CALML6: variants seen among roughly 807,000 people sequenced by gnomAD.
The protein encoded by CALML6 is calmodulin like 6, also known as calmodulin-like protein 6.
A neutral mutation model predicts 25.0 loss-of-function variants in CALML6; 27 were observed. The ratio of observed to expected loss-of-function variants is 1.08; its 90% confidence interval spans 0.80 to 1.49. The LOEUF (loss-of-function observed/expected upper bound fraction) is 1.49, where lower values mean the gene tolerates loss of function less well. CALML6 is among the 40% of genes most tolerant of loss of function. The probability of loss-of-function intolerance (pLI) is 0.00; values close to 1 mark genes in which losing one functional copy is unlikely to be tolerated. For synonymous variants in CALML6, 97 were observed against 87.2 expected (o/e 1.11, Z -0.63); for missense variants, 239 against 232.7 (o/e 1.03, Z -0.18).
In CALML6 at chr1:1,916,356, T is replaced by C. The variant is rs1276515910; in HGVS notation, c.79-85T>C. 4.0e-6 allele frequency: 5 copies of C among 1,243,656 alleles called. No individual in the cohort carries two copies. The East Asian group carries it at 1.3e-4, about 32-fold the overall frequency. 77.0% of individuals were successfully genotyped at this position (1,243,656 alleles called of 1,614,324 possible). A position where few individuals can be genotyped will look rare whatever the true frequency, so the allele number is the denominator to read the frequency against. ...CCTTGAAAGGCTGCCAATGGAGGAA[T>C]GGGTGCAGGGGGTACCTCTGACCCT... On this transcript the variant is annotated intron_variant, in intron 2 of 5. Transcript: ENST00000307786.
chr1:1,916,447 C>G lies in CALML6; in HGVS notation c.85C>G (p.Arg29Gly). The change falls in exon 3 of 6, where the codon CGC becomes GGC. Residue 29 changes from arginine to glycine, a missense_variant. This residue lies in a region of CALML6 where 231 missense variants were observed against 210.9 expected (regional missense o/e 1.10). Transcript: ENST00000307786. ...GTGCGGGTGTCCCCTGCAGACAGAG[C>G]GCCTGTCGGCTGAGCAGATCAAGGA... is the stretch of plus-strand genomic sequence containing the variant. ...SCQTTTDMTE[R>G]LSAEQIKEYK... 6.5e-7 allele frequency: 1 copy of G among 1,526,880 alleles called. No homozygotes were observed. The highest frequency in any genetic ancestry group is 8.8e-7 in the Non-Finnish European group (1 of 1,133,670). The allele number at this position is 1,526,880 out of a possible 1,614,324, so 94.6% of individuals were successfully genotyped here.
In CALML6 at chr1:1,917,256, C is replaced by T. The variant is rs1651167053; in HGVS notation, c.*63C>T. ...GGCTGCTGCCCCTGCCCCCTGGCCC[C>T]CACTCCCCCGGCTCCGTGTAAAATA... On this transcript the variant is annotated 3_prime_UTR_variant, in exon 6 of 6. Transcript: ENST00000307786. 6.7e-7 allele frequency: 1 copy of T among 1,487,008 alleles called. No homozygotes were observed. Among genetic ancestry groups the T allele is most frequent in the Non-Finnish European group, 9.1e-7 (1 of 1,099,370 alleles). The allele number at this position is 1,487,008 out of a possible 1,614,324, so 92.1% of individuals were successfully genotyped here.
intron 5 of CALML6, 35 bp from the exon 6 acceptor site, chr1:1,917,112 C>T (rs774030209): frequency 3.7e-5 from 59 of 1,608,552 alleles, no homozygotes; most frequent in Middle Eastern, 3.3e-4. Flanking sequence ...TTGGCTGGGC[C>T]GGGGCAAGCT....
In CALML6 at chr1:1,916,464, GA is replaced by G. The variant is rs749920795; in HGVS notation, c.103del (p.Ile35SerfsTer19). 30 of 1,552,120 alleles carry G rather than the reference GA, an allele frequency of 1.9e-5. No individual in the cohort carries two copies. The East Asian group carries it at 6.5e-4, about 34-fold the overall frequency. On this transcript the variant is annotated frameshift_variant, in exon 3 of 6. Transcript: ENST00000307786. LOFTEE classifies it high-confidence loss of function. ...DMTERLSAEQ[I>X]KEYKGVFEMF... ...AGACAGAGCGCCTGTCGGCTGAGCA[GA>G]TCAAGGAGTACAAGGGAGTCTTTGA...
chr1:1,915,487 T>C, intron 1 of CALML6, 180 bp downstream of exon 1: 1 of 1,339,164 alleles, frequency 7.5e-7, no homozygotes, highest in Non-Finnish European at 1.0e-6. Context: ...TCGGTGCCCA[T>C]CTTCAGGGTC....
intron 2 of CALML6, chr1:1,916,104 C>G (rs1337423332): frequency 2.4e-5 from 10 of 421,124 alleles, no homozygotes; most frequent in African/African-American, 4.0e-5. Flanking sequence ...CTGCTCTCGG[C>G]TTCCTTCACC....
In CALML6 at chr1:1,916,682, G is replaced by C. The variant is rs28472657; in HGVS notation, c.253+67G>C. The C allele has an allele frequency of 0.018, 28,705 of 1,608,152 alleles. 1,806 individuals carry two copies. In the African/African-American group the frequency reaches 0.2, roughly 11 times the overall value. ...CCCTGGGTCAGGTGTCAGTGCCTAC[G>C]GGGGGAAGAGGCAAAGCCCATGGGG... is the stretch of plus-strand genomic sequence containing the variant. On this transcript the variant is annotated intron_variant, in intron 3 of 5. Transcript: ENST00000307786.
intron 1 of CALML6, 77 bp downstream of exon 1, chr1:1,915,384 A>C (rs865847765): frequency 4.5e-6 from 7 of 1,544,506 alleles, no homozygotes; most frequent in South Asian, 1.2e-5. Context: ...GTAGACTTGG[A>C]GCTTGGTCCA....
At chr1:1,917,109 G>A (rs1462309496) in intron 5 of CALML6, 35 bp downstream of exon 5, 4 of 1,609,242 alleles carry the variant, frequency 2.5e-6, no homozygotes, top group Non-Finnish European at 3.4e-6. Flanking sequence ...CCGTTGGCTG[G>A]GCCGGGGCAA....
chr1:1,915,500 G>A lies in CALML6; in HGVS notation c.28-185G>A, dbSNP rs1651078150. On this transcript the variant is annotated intron_variant, in intron 1 of 5. Coordinates refer to ENST00000307786, the MANE Select transcript of CALML6 (RefSeq NM_138705.4). ...CTTCGGTGCCCATCTTCAGGGTCAGGGGAAGCCCAGGCCAAAGCGGGCCGG... is the reference window on the plus strand; with the variant it reads ...CTTCGGTGCCCATCTTCAGGGTCAGAGGAAGCCCAGGCCAAAGCGGGCCGG... The A allele has an allele frequency of 2.1e-5, 27 of 1,308,004 alleles. 1 individual carries two copies. In the South Asian group the frequency reaches 3.9e-4, roughly 19 times the overall value. The allele number at this position is 1,308,004 out of a possible 1,614,324, so 81.0% of individuals were successfully genotyped here.
chr1:1,915,703 C>T lies in CALML6; in HGVS notation c.46C>T (p.Pro16Ser). 1 of 1,613,434 alleles carries T rather than the reference C, an allele frequency of 6.2e-7. No homozygotes were observed. Among genetic ancestry groups the T allele is most frequent in the Non-Finnish European group, 8.5e-7 (1 of 1,179,984 alleles). ...CCCACAGCAGCCCTGGTGTCACCAC[C>T]CTGCAGAATCCTGTCAGACAACCAC... Reference protein sequence around the residue: ...EISLQPWCHHPAESCQTTTDM... With the variant: ...EISLQPWCHHSAESCQTTTDM... Residue 16 changes from proline to serine, a missense_variant, in exon 2 of 6, where the codon CCT (proline) becomes TCT (serine). Pro to Ser is a moderately conservative substitution (Grantham distance 74). Around this residue, in one of 2 missense-constraint regions of CALML6, gnomAD observed 8 missense variants for 21.8 expected, o/e 0.37. Coordinates refer to ENST00000307786, the MANE Select transcript of CALML6 (RefSeq NM_138705.4).
chr1:1,916,509 C>T lies in CALML6; in HGVS notation c.147C>T (p.Gly49=). 6.2e-7 allele frequency: 1 copy of T among 1,602,242 alleles called. No homozygotes were observed. Among genetic ancestry groups the T allele is most frequent in the South Asian group, 1.1e-5 (1 of 89,736 alleles). ...TCTTTGAGATGTTCGACGAAGAGGG[C>T]AACGGGGAGGTGAAGACGGGGGAGC... The part of the protein sequence containing the change: ...KGVFEMFDEE[G]NGEVKTGELE... The change falls in exon 3 of 6, where the codon GGC becomes GGT. Residue 49 remains glycine, a synonymous_variant. Transcript: ENST00000307786.
At position 1,916,429 on chromosome 1, in the gene CALML6, T is replaced by C; in HGVS notation, c.79-12T>C. 1 of 1,508,716 alleles carries C rather than the reference T, an allele frequency of 6.6e-7. No individual in the cohort carries two copies. The highest frequency in any genetic ancestry group is 2.5e-5 in the East Asian group (1 of 40,422). The allele number at this position is 1,508,716 out of a possible 1,614,324, so 93.5% of individuals were successfully genotyped here. ...GGGCTCCTGGTCAGGCCGGTGCGGGTGTCCCCTGCAGACAGAGCGCCTGTC... is the reference window on the plus strand; with the variant it reads ...GGGCTCCTGGTCAGGCCGGTGCGGGCGTCCCCTGCAGACAGAGCGCCTGTC... On this transcript the variant is annotated splice_polypyrimidine_tract_variant and intron_variant, in intron 2 of 5. Transcript: ENST00000307786.
At chr1:1,915,860 G>A in intron 2 of CALML6, 125 bp downstream of exon 2, 1 of 912,346 alleles carries the variant, frequency 1.1e-6, no homozygotes, top group Non-Finnish European at 1.8e-6. Context: ...AGAAGAGGGG[G>A]CCAAGCCCTG....
In CALML6 at chr1:1,916,626, G is replaced by A. The variant is rs370943172; in HGVS notation, c.253+11G>A. The stretch of plus-strand genomic sequence containing the variant: ...ATGTGGACAGAGACAGTGAGCTCAT[G>A]GCTGGAGTGGGGTGGGCAGCCTCGG... On this transcript the variant is annotated intron_variant, in intron 3 of 5. Transcript: ENST00000307786. 62 of 1,603,110 alleles carry A rather than the reference G, an allele frequency of 3.9e-5. 1 individual carries two copies. The African/African-American group carries it at 6.7e-4, about 17-fold the overall frequency.
rs770660261 is a variant in CALML6, at chr1:1,916,524, G to A, written c.162G>A (p.Lys54=). The change falls in exon 3 of 6, where the codon AAG becomes AAA. Residue 54 remains lysine, a synonymous_variant. Coordinates refer to ENST00000307786, the MANE Select transcript of CALML6 (RefSeq NM_138705.4). The stretch of plus-strand genomic sequence containing the variant: ...ACGAAGAGGGCAACGGGGAGGTGAA[G>A]ACGGGGGAGCTGGAGTGGCTCATGA... ...MFDEEGNGEV[K]TGELEWLMSL... is the part of the protein sequence containing the mutation. The A allele has an allele frequency of 1.1e-5, 17 of 1,609,710 alleles. No individual in the cohort carries two copies. In the African/African-American group the frequency reaches 2.3e-4, roughly 22 times the overall value.
chr1:1,915,437 C>T (rs1003152724), intron 1 of CALML6, 130 bp downstream of exon 1: 7 of 1,476,100 alleles, frequency 4.7e-6, no homozygotes, highest in South Asian at 2.6e-5. Flanking sequence ...GTGAGGGTCC[C>T]GCCATGTCTC....
chr1:1,916,708 A>C, intron 3 of CALML6, 44 bp from the exon 4 acceptor site: 1 of 1,612,662 alleles, frequency 6.2e-7, no homozygotes, highest in Non-Finnish European at 8.5e-7. Context: ...GCCCATGGGG[A>C]GTGCTGTGCC....
rs563286750 is a variant in CALML6 at position 1,916,906 on chromosome 1, G to A, written c.398+10G>A. 3.3e-4 allele frequency: 538 copies of A among 1,611,232 alleles called. 13 individuals are homozygous for A. The South Asian group carries it at 4.6e-3, about 14-fold the overall frequency. ...ACTGGAACACACTCAAGTAGGGCCC[G>A]GGTTGGGGGCGGGTGGTGGGCGGGC... On this transcript the variant is annotated intron_variant, in intron 4 of 5. Transcript: ENST00000307786.
Sources: gnomAD v4.1 joint callset for allele counts on GRCh38, gnomAD v4.1.1 for gene constraint, gnomAD v4.1.1 regional missense constraint, MANE v1.5 for transcripts, NCBI Gene and HGNC (gene_info 2026-07-23, HGNC 2026-07-21) for gene names.